The following PCDH15 variants were observed in gnomAD, a reference collection of about 807,000 sequenced individuals.
The protein encoded by PCDH15 is protocadherin related 15.
PCDH15 carries 129 observed loss-of-function variants against 178.5 expected under a neutral mutation model. That is an observed-to-expected ratio of 0.72 (90% CI 0.63 to 0.84). PCDH15 has a LOEUF of 0.84. Among genes scored for constraint, PCDH15 ranks in the 40% least tolerant of loss-of-function variants. The pLI, the probability that PCDH15 is intolerant of heterozygous loss-of-function variation, is 0.00. For synonymous variants in PCDH15, 800 were observed against 732.0 expected (o/e 1.09, Z -1.50); for missense variants, 2,230 against 2,099.9 (o/e 1.06, Z -1.21).
At chr10:55,225,812 CT>C (rs1443335034) in intron 1 of PCDH15, among the ~76,000 whole-genome samples, 2 of 152,038 alleles carry the variant, frequency 1.3e-5, no homozygotes, top group African/African-American at 4.8e-5. Flanking sequence ...AAGCCTTCCC[CT>C]GTACACGTTT....
chr10:54,750,609 T>A (rs1946099248), intron 1 of PCDH15, among the ~76,000 whole-genome samples: 1 of 152,140 alleles, frequency 6.6e-6, no homozygotes, highest in African/African-American at 2.4e-5. Flanking sequence ...TCAAACATTT[T>A]ATTATGAATT....
At chr10:53,973,406 G>C (rs909088579) in intron 21 of PCDH15, among the ~76,000 whole-genome samples, 5 of 151,802 alleles carry the variant, frequency 3.3e-5, no homozygotes, top group Non-Finnish European at 5.9e-5. Context: ...AAACCTGCAC[G>C]TTGTGCACAT....
At chr10:55,311,020 T>A (rs1010573263) in intron 1 of PCDH15, among the ~76,000 whole-genome samples, 11 of 152,218 alleles carry the variant, frequency 7.2e-5, no homozygotes, top group South Asian at 2.1e-4. Flanking sequence ...ATAATAATTT[T>A]AAAAAAATGA....
chr10:53,833,249 A>G (rs1011929615), intron 29 of PCDH15, among the ~76,000 whole-genome samples: 1 of 152,044 alleles, frequency 6.6e-6, no homozygotes, highest in Non-Finnish European at 1.5e-5. Flanking sequence ...TCAAAATTCT[A>G]TTGGATTCCT....
At chr10:54,803,230 G>T (rs187742416), upstream of PCDH15, among the ~76,000 whole-genome samples, 1 of 151,980 alleles carries the variant, frequency 6.6e-6, no homozygotes, top group Admixed American at 6.6e-5. Flanking sequence ...AAAATATATC[G>T]TGAACATTCA....
intron 6 of PCDH15, among the ~76,000 whole-genome samples, chr10:54,332,016 G>A (rs1345028676): frequency 1.3e-5 from 2 of 151,090 alleles, no homozygotes; most frequent in African/African-American, 4.9e-5. Context: ...ATAAAATTTA[G>A]AACTTCAGCA....
intron 3 of PCDH15, among the ~76,000 whole-genome samples, chr10:54,456,511 C>T (rs1578671): frequency 0.24 from 36,647 of 152,096 alleles, 5,548 homozygotes; most frequent in African/African-American, 0.43. Flanking sequence ...GTAACTAACT[C>T]ACTTTTGATT....
chr10:55,063,646 T>C (rs549445322), intron 2 of PCDH15, among the ~76,000 whole-genome samples: 8 of 152,264 alleles, frequency 5.3e-5, no homozygotes, highest in East Asian at 3.9e-4. Flanking sequence ...TTAAAATTAA[T>C]TGGCAGGTTT....
chr10:54,132,840 T>TACACACAC lies in PCDH15; in HGVS notation c.1917+27_1917+34dup, dbSNP rs5785040. On this transcript the variant is annotated intron_variant, in intron 15 of 37. Coordinates refer to ENST00000644397, the MANE Select transcript of PCDH15 (RefSeq NM_001384140.1). The stretch of plus-strand genomic sequence containing the variant: ...GCCAAGCTTGTCACTTTAGAATTTA[T>TACACACAC]ACACACACACACACACACACACCAA... The TACACACAC allele has an allele frequency of 2.0e-4, 303 of 1,496,160 alleles. 1 individual carries two copies. Among genetic ancestry groups the TACACACAC allele is most frequent in the East Asian group, 1.0e-3 (41 of 39,470 alleles). 92.7% of individuals were successfully genotyped at this position (1,496,160 alleles called of 1,614,324 possible).
chr10:54,023,200 A>T lies in PCDH15; in HGVS notation c.2221-3T>A, dbSNP rs1030855432. 2.5e-6 allele frequency: 4 copies of T among 1,612,488 alleles called. No homozygotes were observed. Among genetic ancestry groups the T allele is most frequent in the Non-Finnish European group, 3.4e-6 (4 of 1,179,654 alleles). ...ATTCCAGCATCAGGGTCTGTTGCCT[A>T]TTAAATAAAACAAAAAAACAAAAAA... On this transcript the variant is annotated splice_polypyrimidine_tract_variant and splice_region_variant and intron_variant, in intron 18 of 37. Transcript: ENST00000644397.
intron 9 of PCDH15, among the ~76,000 whole-genome samples, chr10:54,218,355 C>T (rs1213822542): frequency 6.6e-6 from 1 of 152,136 alleles, no homozygotes; most frequent in Non-Finnish European, 1.5e-5. Flanking sequence ...CTGCTATGGC[C>T]TGAGTTGTCC....
At chr10:53,865,082 T>C (rs2079357521) in intron 27 of PCDH15, among the ~76,000 whole-genome samples, 2 of 152,056 alleles carry the variant, frequency 1.3e-5, no homozygotes, top group South Asian at 2.1e-4. Context: ...ACCTGGGTGA[T>C]AGAACCAGAC....
chr10:55,204,134 A>G (rs1409935503), intron 1 of PCDH15, among the ~76,000 whole-genome samples: 1 of 148,688 alleles, frequency 6.7e-6, no homozygotes, highest in East Asian at 1.9e-4. Flanking sequence ...TAATATATTA[A>G]ATGTGTAATT....
chr10:54,631,747 A>C (rs2093705414), intron 2 of PCDH15, among the ~76,000 whole-genome samples: 1 of 152,168 alleles, frequency 6.6e-6, no homozygotes, highest in Admixed American at 6.6e-5. Flanking sequence ...GGGAGGCTTC[A>C]GGAAACTTAC....
chr10:54,126,434 C>A (rs557526633), intron 15 of PCDH15, among the ~76,000 whole-genome samples: 1 of 152,228 alleles, frequency 6.6e-6, no homozygotes, highest in South Asian at 2.1e-4. Flanking sequence ...TATTAACCAA[C>A]CACTTATCCT....
At chr10:54,092,042 C>A (rs377557032) in intron 15 of PCDH15, among the ~76,000 whole-genome samples, 2 of 152,136 alleles carry the variant, frequency 1.3e-5, no homozygotes, top group Non-Finnish European at 2.9e-5. Flanking sequence ...AAATCTAGAT[C>A]TCCTTTCCAT....
At chr10:54,193,148 C>T (rs2049203670) in intron 11 of PCDH15, among the ~76,000 whole-genome samples, 1 of 152,192 alleles carries the variant, frequency 6.6e-6, no homozygotes, top group East Asian at 1.9e-4. Flanking sequence ...TTTTAGACCC[C>T]TGAGCTCTCT....
chr10:55,333,070 T>C (rs957335968), intron 2 of PCDH15, among the ~76,000 whole-genome samples: 3 of 152,160 alleles, frequency 2.0e-5, no homozygotes, highest in African/African-American at 7.2e-5. Flanking sequence ...ACTTTTAACA[T>C]ATAAAGATAG....
chr10:55,308,355 C>A (rs1306809160), intron 1 of PCDH15, among the ~76,000 whole-genome samples: 1 of 152,098 alleles, frequency 6.6e-6, no homozygotes, highest in African/African-American at 2.4e-5. Context: ...AAATTCTGAT[C>A]TCTTTAGATG....
Sources: allele counts gnomAD v4.1 joint callset (sites outside exome capture counted in the v4.1 genomes callset), GRCh38; gene constraint gnomAD v4.1.1; transcripts MANE v1.5; gene names NCBI Gene and HGNC (gene_info 2026-07-23, HGNC 2026-07-21).